The following GLDC variants were observed in gnomAD, a reference collection of about 807,000 sequenced individuals.
GLDC encodes glycine dehydrogenase (decarboxylating), mitochondrial.
A neutral mutation model predicts 121.3 loss-of-function variants in GLDC; 104 were observed. That is an observed-to-expected ratio of 0.86 (90% CI 0.73 to 1.01). The LOEUF (loss-of-function observed/expected upper bound fraction) is 1.01, where lower values mean the gene tolerates loss of function less well. Ranked by LOEUF, GLDC falls within the 50% of genes least tolerant of loss-of-function variation. GLDC has a pLI of 0.00. For missense variants in GLDC, 1,429 were observed against 1,306.6 expected, an observed-to-expected ratio of 1.09 and a Z score of -1.44; for synonymous variants, 546 against 480.6, an observed-to-expected ratio of 1.14 and a Z score of -1.78.
chr9:6,566,228 G>C (rs537360970), intron 15 of GLDC, among the ~76,000 whole-genome samples: 14 of 152,220 alleles, frequency 9.2e-5, no homozygotes, highest in Non-Finnish European at 1.9e-4. Context: ...GGGTGACAGA[G>C]TGAGATCCCG....
rs1817555894 is a variant in GLDC, at chr9:6,553,423, C to T, written c.2402G>A (p.Ser801Asn). The change falls in exon 20 of 25, where the codon AGT becomes AAT. Residue 801 changes from serine (S) to asparagine (N), a missense_variant. Physicochemically the swap from Ser to Asn is conservative, Grantham distance 46. Coordinates refer to ENST00000321612, the MANE Select transcript of GLDC (RefSeq NM_000170.3). ...GGAACTGGAGCCCCATGGGGCCGCA[C>T]TGACGGTTCCCACAGGACAGGCATC... ...NEDACPVGTV[S>N]AAPWGSSSIL... 4.3e-6 allele frequency: 7 copies of T among 1,613,868 alleles called. No homozygotes were observed. The East Asian group carries it at 6.7e-5, about 15-fold the overall frequency.
chr9:6,565,636 G>A (rs1425495225), intron 15 of GLDC: 5 of 651,354 alleles, frequency 7.7e-6, no homozygotes, highest in Non-Finnish European at 1.4e-5. Flanking sequence ...TCCAGTTTGT[G>A]CACTACAGCT....
intron 24 of GLDC, 29 bp downstream of exon 24, chr9:6,534,679 G>C (rs1434723794): frequency 4.0e-6 from 5 of 1,264,108 alleles, no homozygotes; most frequent in Middle Eastern, 1.9e-4. Flanking sequence ...TGCCTTCCCA[G>C]CTGGCACATT....
At chr9:6,555,426 T>A (rs958834078) in intron 18 of GLDC, among the ~76,000 whole-genome samples, 1 of 151,950 alleles carries the variant, frequency 6.6e-6, no homozygotes, top group African/African-American at 2.4e-5. Context: ...ATCTCTGGAT[T>A]ACACTTGTGA....
intron 18 of GLDC, among the ~76,000 whole-genome samples, chr9:6,555,359 T>A (rs116529655): frequency 0.016 from 2,401 of 152,266 alleles, 78 homozygotes; most frequent in African/African-American, 0.055. Flanking sequence ...GTGTTAGGAC[T>A]AATTTTGATG....
At chr9:6,585,788 AACTC>A (rs1409322233) in intron 15 of GLDC, among the ~76,000 whole-genome samples, 1 of 152,106 alleles carries the variant, frequency 6.6e-6, no homozygotes, top group Admixed American at 6.5e-5. Context: ...CTAAAATGTA[AACTC>A]ACATACCGAT....
chr9:6,533,335 G>C (rs551485358), intron 24 of GLDC, among the ~76,000 whole-genome samples, 175 bp from the exon 25 acceptor site: 2 of 152,208 alleles, frequency 1.3e-5, no homozygotes, highest in East Asian at 3.9e-4. Flanking sequence ...TTTCCCAGGA[G>C]GCGTGTCCCT....
chr9:6,578,763 G>T (rs1257888721), intron 15 of GLDC, among the ~76,000 whole-genome samples: 2 of 152,176 alleles, frequency 1.3e-5, no homozygotes, highest in East Asian at 3.9e-4. Context: ...GAACTCCTGG[G>T]ATCAAGTGAT....
At chr9:6,629,809 T>G (rs1481688270) in intron 2 of GLDC, among the ~76,000 whole-genome samples, 1 of 151,162 alleles carries the variant, frequency 6.6e-6, no homozygotes, top group Non-Finnish European at 1.5e-5. Flanking sequence ...TTATCATTTA[T>G]ATTTTAAAAA....
At chr9:6,541,014 C>A (rs1194201499) in intron 21 of GLDC, 1 of 152,184 alleles carries the variant, frequency 6.6e-6, no homozygotes, top group Non-Finnish European at 1.5e-5. Flanking sequence ...ATCACCTGAG[C>A]CTGGGAAGTC....
At chr9:6,544,976 G>A (rs1817356803) in intron 21 of GLDC, among the ~76,000 whole-genome samples, 1 of 152,032 alleles carries the variant, frequency 6.6e-6, no homozygotes, top group African/African-American at 2.4e-5. Flanking sequence ...GTGCATGCCT[G>A]TAATCCCAGC....
chr9:6,608,291 G>T lies in GLDC; in HGVS notation c.636-1622C>A, dbSNP rs10975682. 1.7e-4 allele frequency among the ~76,000 whole-genome samples: 24 copies of T among 141,778 alleles called. No individual in the cohort carries two copies. In the East Asian group the frequency reaches 4.6e-3, roughly 27 times the overall value. The allele number at this position is 141,778 out of a possible 152,430, so 93.0% of individuals were successfully genotyped here. Reference sequence around the variant, plus strand: ...AAAACCCTTAGCCGGGCGTGGTGGCGGGCACCTGTAGTCCCAGCTACGTGG... The same window carrying T: ...AAAACCCTTAGCCGGGCGTGGTGGCTGGCACCTGTAGTCCCAGCTACGTGG... On this transcript the variant is annotated intron_variant, in intron 4 of 24. Transcript: ENST00000321612.
chr9:6,640,803 A>T (rs1819615810), intron 2 of GLDC, among the ~76,000 whole-genome samples: 1 of 152,244 alleles, frequency 6.6e-6, no homozygotes, highest in South Asian at 2.1e-4. Context: ...GGCTTTGGTC[A>T]TAAAGTAATT....
Position 6,558,510 on chromosome 9 carries a change from A to T in GLDC, c.2052+49T>A, listed in dbSNP as rs748054224. 6 of 1,606,438 alleles carry T rather than the reference A, an allele frequency of 3.7e-6. No homozygotes were observed. In the East Asian group the frequency reaches 1.3e-4, roughly 36 times the overall value. On this transcript the variant is annotated intron_variant, in intron 17 of 24. Transcript: ENST00000321612. ...ATCCATCAAGTCCCTGATCCCCACC[A>T]GCACTCCCCATCCCGGCCTCTCCCA...
intron 8 of GLDC, among the ~76,000 whole-genome samples, chr9:6,598,417 CATT>C (rs1818534166): frequency 6.6e-6 from 1 of 152,154 alleles, no homozygotes; most frequent in South Asian, 2.1e-4. Flanking sequence ...AAAAAAGAAT[CATT>C]AACACACTTT....
At chr9:6,611,535 A>G (rs368561761) in intron 3 of GLDC, among the ~76,000 whole-genome samples, 62 of 148,078 alleles carry the variant, frequency 4.2e-4, no homozygotes, top group South Asian at 1.1e-3. Context: ...CAGCCTGGGC[A>G]ACAGAGCAAG....
At chr9:6,619,145 G>GA (rs1563864174) in intron 3 of GLDC, among the ~76,000 whole-genome samples, 27 of 30,208 alleles carry the variant, frequency 8.9e-4, no homozygotes, top group African/African-American at 4.1e-3. Flanking sequence ...TCTGTCTCAG[G>GA]CAAAAAAAAA....
intron 15 of GLDC, among the ~76,000 whole-genome samples, chr9:6,569,646 C>T (rs1466466531): frequency 6.9e-6 from 1 of 144,748 alleles, no homozygotes; most frequent in African/African-American, 2.6e-5. Flanking sequence ...AGTGAGACTC[C>T]ATCACAAAAA....
intron 15 of GLDC, among the ~76,000 whole-genome samples, chr9:6,580,949 G>A (rs1281539126): frequency 6.6e-6 from 1 of 152,184 alleles, no homozygotes; most frequent in African/African-American, 2.4e-5. Flanking sequence ...ACAGGTCTTT[G>A]TTTCATCCTG....
Sources: allele counts gnomAD v4.1 joint callset (sites outside exome capture counted in the v4.1 genomes callset), GRCh38; gene constraint gnomAD v4.1.1; transcripts MANE v1.5; gene names NCBI Gene and HGNC (gene_info 2026-07-23, HGNC 2026-07-21).